NSD2: variants seen among roughly 807,000 people sequenced by gnomAD.
NSD2 encodes nuclear receptor binding SET domain protein 2, also known as histone-lysine N-methyltransferase NSD2.
In NSD2, 12 loss-of-function variants were observed where a neutral mutation model predicts 139.0. The observed-to-expected ratio is 0.09, with a 90% confidence interval of 0.06 to 0.14. NSD2 has a LOEUF of 0.14. Among genes scored for constraint, NSD2 ranks in the 10% least tolerant of loss-of-function variants. The pLI is 1.00. For missense variants in NSD2, 1,155 were observed against 1,745.0 expected, an observed-to-expected ratio of 0.66 and a Z score of 6.02; for synonymous variants, 669 against 648.7, an observed-to-expected ratio of 1.03 and a Z score of -0.48.
Position 1,976,402 on chromosome 4 carries a change from C to A in NSD2, c.3622-73C>A. ...GATCTCTGAAGTTCCTGGAGTGTAG[C>A]TCGCTCTTCTGCCCTATTTGCTTCA... On this transcript the variant is annotated intron_variant, in intron 20 of 21. Coordinates refer to ENST00000508803, the MANE Select transcript of NSD2 (RefSeq NM_001042424.3). The surrounding 1 kb of genome is among the most constrained non-coding windows in gnomAD (Gnocchi z 5.3). The A allele has an allele frequency of 6.6e-7, 1 of 1,513,402 alleles. No homozygotes were observed. Among genetic ancestry groups the A allele is most frequent in the Non-Finnish European group, 9.0e-7 (1 of 1,112,254 alleles). The allele number at this position is 1,513,402 out of a possible 1,614,324, so 93.7% of individuals were successfully genotyped here.
chr4:1,888,141 G>A lies in NSD2; in HGVS notation c.-29-12485G>A, dbSNP rs113658185. Among the ~76,000 whole-genome samples, 689 of 152,104 alleles carry A rather than the reference G, an allele frequency of 4.5e-3. 4 individuals are homozygous for A. Among genetic ancestry groups the A allele is most frequent in the Non-Finnish European group, 7.7e-3 (525 of 67,986 alleles). The stretch of plus-strand genomic sequence containing the variant: ...TTATTAAGGCTATATGGCTGGGTGC[G>A]GTGGCTCACGCCTGTAATCCCAGCA... On this transcript the variant is annotated intron_variant, in intron 1 of 21. Coordinates refer to ENST00000508803, the MANE Select transcript of NSD2 (RefSeq NM_001042424.3).
chr4:1,895,916 G>T (rs568233981), intron 1 of NSD2, among the ~76,000 whole-genome samples: 1 of 152,344 alleles, frequency 6.6e-6, no homozygotes, highest in South Asian at 2.1e-4. Context: ...CTGGTAGAGG[G>T]GCTCAGGTGA....
Position 1,958,047 on chromosome 4 carries a change from G to A in NSD2, c.2985+11G>A, listed in dbSNP as rs369465574. The A allele has an allele frequency of 1.2e-6, 2 of 1,612,750 alleles. No homozygotes were observed. The highest frequency in any genetic ancestry group is 1.1e-5 in the South Asian group (1 of 90,990). Reference sequence around the variant, plus strand: ...TACAAGCACATCAAGGTGGCGTGTGGGAGCTGCGTGCACGCGTGTGGAGGG... The same window carrying A: ...TACAAGCACATCAAGGTGGCGTGTGAGAGCTGCGTGCACGCGTGTGGAGGG... On this transcript the variant is annotated intron_variant, in intron 16 of 21. Coordinates refer to ENST00000508803, the MANE Select transcript of NSD2 (RefSeq NM_001042424.3). This position sits in a 1 kb window ranked among gnomAD's most constrained non-coding sequence, Gnocchi z 4.6.
intron 1 of NSD2, among the ~76,000 whole-genome samples, chr4:1,872,627 A>AGAGAGC (rs1411862835): frequency 2.1e-5 from 3 of 143,236 alleles, no homozygotes; most frequent in Non-Finnish European, 4.6e-5. Flanking sequence ...AGAGAGAGAG[A>AGAGAGC]GAGAGAGAGC....
Position 1,918,129 on chromosome 4 carries a change from T to G in NSD2, c.928-12T>G. ...GTAGTGAAACTTACAGTGTCTCTTT[T>G]TTTTTTCCCAGCTATTGAAACCAAT... On this transcript the variant is annotated splice_polypyrimidine_tract_variant and intron_variant, in intron 4 of 21. Transcript: ENST00000508803. 6.3e-7 allele frequency: 1 copy of G among 1,598,620 alleles called. No homozygotes were observed. Among genetic ancestry groups the G allele is most frequent in the South Asian group, 1.1e-5 (1 of 88,350 alleles).
intron 3 of NSD2, among the ~76,000 whole-genome samples, chr4:1,911,587 CAAAAAAA>C (rs372660600): frequency 2.4e-5 from 1 of 42,074 alleles, no homozygotes; most frequent in Non-Finnish European, 4.6e-5. Context: ...GACGCCATCT[CAAAAAAA>C]AAAAAAAAAA....
chr4:1,944,129 C>T, intron 9 of NSD2: 1 of 1,066,132 alleles, frequency 9.4e-7, no homozygotes, highest in Non-Finnish European at 1.1e-6. Flanking sequence ...GGAAGGTGGG[C>T]AGGGGCAAGT....
chr4:1,928,195 T>C (rs952934471), intron 5 of NSD2, among the ~76,000 whole-genome samples: 2 of 152,018 alleles, frequency 1.3e-5, no homozygotes, highest in Non-Finnish European at 2.9e-5. Flanking sequence ...GAGCCATGTG[T>C]CCAGCTTGTT....
At chr4:1,977,805 CCAAA>C (rs1162091078) in intron 21 of NSD2, among the ~76,000 whole-genome samples, 25 of 134,652 alleles carry the variant, frequency 1.9e-4, no homozygotes, top group African/African-American at 5.3e-4. Context: ...AAAAAAAAAA[CCAAA>C]CAAACAAAAA....
At chr4:1,937,423 G>T (rs1003475578) in intron 7 of NSD2, among the ~76,000 whole-genome samples, 2 of 152,096 alleles carry the variant, frequency 1.3e-5, no homozygotes, top group Non-Finnish European at 2.9e-5. Context: ...AAATATTTGT[G>T]TAAATGTTAT....
Position 1,911,460 on chromosome 4 carries a change from C to T in NSD2, c.761-5411C>T, listed in dbSNP as rs544441421. On this transcript the variant is annotated intron_variant, in intron 3 of 21. Coordinates refer to ENST00000508803, the MANE Select transcript of NSD2 (RefSeq NM_001042424.3). ...AAAATTAGCTGGGTGTGGTCCCAGG[C>T]GCCTGTAATCCCAGCTCCTGGGAAG... Among the ~76,000 whole-genome samples the T allele has an allele frequency of 4.6e-5, 7 of 151,752 alleles. No homozygotes were observed. The East Asian group carries it at 9.7e-4, about 21-fold the overall frequency.
At position 1,973,592 on chromosome 4, in the gene NSD2, A is replaced by G. The variant is rs189775599; in HGVS notation, c.3373-1271A>G. On this transcript the variant is annotated intron_variant, in intron 18 of 21. Coordinates refer to ENST00000508803, the MANE Select transcript of NSD2 (RefSeq NM_001042424.3). The surrounding 1 kb of genome is among the most constrained non-coding windows in gnomAD (Gnocchi z 5.5). ...TTGCAGAGAACCACATTCTGGTACCATTTCTGGTTTTAAAGGGTGGCCTGT... is the reference window on the plus strand; with the variant it reads ...TTGCAGAGAACCACATTCTGGTACCGTTTCTGGTTTTAAAGGGTGGCCTGT... 3.2e-3 allele frequency among the ~76,000 whole-genome samples: 493 copies of G among 152,304 alleles called. No homozygotes were observed. Among genetic ancestry groups the G allele is most frequent in the Non-Finnish European group, 4.9e-3 (336 of 68,016 alleles).
chr4:1,951,865 T>C, intron 10 of NSD2: 2 of 540,758 alleles, frequency 3.7e-6, no homozygotes, highest in Non-Finnish European at 6.3e-6. Flanking sequence ...GTTGTGATCC[T>C]GTTACTTCCT....
At chr4:1,902,347 C>T (rs1717299038) in intron 2 of NSD2, among the ~76,000 whole-genome samples, 1 of 152,086 alleles carries the variant, frequency 6.6e-6, no homozygotes, top group Admixed American at 6.5e-5. Flanking sequence ...ACCTCACCCT[C>T]CTGAGTAGTT....
chr4:1,966,106 A>G (rs1156618338), intron 18 of NSD2, among the ~76,000 whole-genome samples: 1 of 152,230 alleles, frequency 6.6e-6, no homozygotes, highest in African/African-American at 2.4e-5. Flanking sequence ...CTGTCTTTCA[A>G]AGATAAGGGT....
intron 1 of NSD2, among the ~76,000 whole-genome samples, chr4:1,872,140 A>G (rs1421452982): frequency 2.0e-5 from 3 of 151,790 alleles, no homozygotes; most frequent in Non-Finnish European, 4.4e-5. Flanking sequence ...GGCGTTGGTC[A>G]GCGCGGACGC....
intron 1 of NSD2, among the ~76,000 whole-genome samples, chr4:1,874,283 C>T (rs997978694): frequency 6.6e-6 from 1 of 152,116 alleles, no homozygotes; most frequent in African/African-American, 2.4e-5. Context: ...ACCTTGTTCT[C>T]CAAATACGTG....
chr4:1,886,651 G>A (rs1715136432), intron 1 of NSD2, among the ~76,000 whole-genome samples: 1 of 152,020 alleles, frequency 6.6e-6, no homozygotes, highest in African/African-American at 2.4e-5. Flanking sequence ...CCAACGTGGT[G>A]GAACCCCGTC....
At chr4:1,950,863 T>C (rs1323711259) in intron 9 of NSD2, among the ~76,000 whole-genome samples, 1 of 152,244 alleles carries the variant, frequency 6.6e-6, no homozygotes, top group Non-Finnish European at 1.5e-5. Flanking sequence ...AAGTCCGTTT[T>C]TGAATTTTCT....
Sources: allele counts gnomAD v4.1 joint callset (sites outside exome capture counted in the v4.1 genomes callset), GRCh38; gene constraint gnomAD v4.1.1; non-coding constraint Gnocchi (gnomAD v3.1); transcripts MANE v1.5; gene names NCBI Gene and HGNC (gene_info 2026-07-23, HGNC 2026-07-21).